The following USP22 variants were observed in gnomAD, a reference collection of about 807,000 sequenced individuals.
The protein encoded by USP22 is ubiquitin carboxyl-terminal hydrolase 22.
USP22 carries 22 observed loss-of-function variants against 68.1 expected under a neutral mutation model. The ratio of observed to expected loss-of-function variants is 0.32; its 90% CI spans 0.23 to 0.46. USP22 has a LOEUF of 0.46. Ranked by LOEUF, USP22 falls within the 20% of genes least tolerant of loss-of-function variation. The pLI is 1.00. For missense variants in USP22, 433 were observed against 695.8 expected (o/e 0.62, Z 4.25); for synonymous variants, 279 against 274.2 (o/e 1.02, Z -0.17).
At chr17:21,040,673 CCTT>C (rs1972416410) in intron 1 of USP22, among the ~76,000 whole-genome samples, 2 of 151,794 alleles carry the variant, frequency 1.3e-5, no homozygotes, top group Admixed American at 6.6e-5. Flanking sequence ...AAACTTGACT[CCTT>C]CTATTTGGTT....
intron 4 of USP22, among the ~76,000 whole-genome samples, chr17:21,018,524 G>C (rs11656662): frequency 0.17 from 25,861 of 151,918 alleles, 2,753 homozygotes; most frequent in South Asian, 0.25. Context: ...AGACCAGCCT[G>C]GGCAACATGG....
chr17:21,033,950 T>A (rs924140274), intron 1 of USP22, among the ~76,000 whole-genome samples: 2 of 152,026 alleles, frequency 1.3e-5, no homozygotes, highest in African/African-American at 2.4e-5. Flanking sequence ...GGTTTCACCA[T>A]GTTGGCCAGG....
At chr17:21,030,730 A>G (rs1972279835) in intron 1 of USP22, among the ~76,000 whole-genome samples, 1 of 152,248 alleles carries the variant, frequency 6.6e-6, no homozygotes, top group Non-Finnish European at 1.5e-5. Context: ...AATGAAAGAA[A>G]AATAGGCTAG....
intron 7 of USP22, among the ~76,000 whole-genome samples, chr17:21,012,076 G>C (rs1913988767): frequency 6.6e-6 from 1 of 152,058 alleles, no homozygotes; most frequent in African/African-American, 2.4e-5. Context: ...GTCCATTTCG[G>C]GTTCTGAAAT....
At chr17:21,036,138 T>C (rs1972353222) in intron 1 of USP22, among the ~76,000 whole-genome samples, 2 of 150,614 alleles carry the variant, frequency 1.3e-5, no homozygotes, top group South Asian at 2.1e-4. Context: ...ACAGACTGTA[T>C]GAACCCAATG....
chr17:21,015,504 C>G (rs1914103504), intron 6 of USP22: 1 of 461,042 alleles, frequency 2.2e-6, no homozygotes, highest in Non-Finnish European at 3.7e-6. Flanking sequence ...TCACTGTGAT[C>G]GGTCACTGAG....
intron 8 of USP22, among the ~76,000 whole-genome samples, chr17:21,010,116 A>G (rs1034426425): frequency 6.6e-6 from 1 of 152,136 alleles, no homozygotes; most frequent in African/African-American, 2.4e-5. Context: ...GTGAGCTATG[A>G]TGGCACCACT....
intron 7 of USP22, among the ~76,000 whole-genome samples, chr17:21,012,020 T>C (rs780047879): frequency 6.6e-6 from 1 of 152,194 alleles, no homozygotes; most frequent in African/African-American, 2.4e-5. Context: ...CAGGCAGCAC[T>C]GGCCTTTCCC....
At chr17:21,018,195 T>G in intron 4 of USP22, 84 bp from the exon 5 acceptor site, 4 of 1,316,970 alleles carry the variant, frequency 3.0e-6, no homozygotes, top group South Asian at 1.5e-5. Flanking sequence ...CCTCTACCTC[T>G]ACATACTCAT....
chr17:21,034,713 G>A (rs1354300543), intron 1 of USP22, among the ~76,000 whole-genome samples: 2 of 152,062 alleles, frequency 1.3e-5, no homozygotes, highest in Non-Finnish European at 2.9e-5. Context: ...GTGAACACAA[G>A]CCACTTTTAT....
chr17:21,033,366 T>C (rs533036948), intron 1 of USP22, among the ~76,000 whole-genome samples: 1 of 152,386 alleles, frequency 6.6e-6, no homozygotes, highest in East Asian at 1.9e-4. Flanking sequence ...GTTGATCTTA[T>C]GCAGTACAGA....
At chr17:21,038,567 C>T (rs956333780) in intron 1 of USP22, among the ~76,000 whole-genome samples, 1 of 151,668 alleles carries the variant, frequency 6.6e-6, no homozygotes, top group African/African-American at 2.4e-5. Context: ...ACTTGGGAGG[C>T]TGAGGCAGGA....
intron 6 of USP22, among the ~76,000 whole-genome samples, chr17:21,015,181 C>G (rs139919145): frequency 1.1e-3 from 174 of 152,332 alleles, no homozygotes; most frequent in African/African-American, 4.0e-3. Flanking sequence ...ACTACCAACA[C>G]CACACAACTC....
chr17:21,022,734 G>A (rs2143591983), intron 2 of USP22, among the ~76,000 whole-genome samples: 1 of 149,910 alleles, frequency 6.7e-6, no homozygotes, highest in Non-Finnish European at 1.5e-5. Context: ...GGGAGGCGGA[G>A]CTTGCTATGA....
At chr17:21,040,385 C>G (rs1241744236) in intron 1 of USP22, among the ~76,000 whole-genome samples, 1 of 152,176 alleles carries the variant, frequency 6.6e-6, no homozygotes, top group South Asian at 2.1e-4. Flanking sequence ...TAAGTCCCCC[C>G]AGTCAGAGGA....
chr17:21,020,694 G>A (rs755618422), intron 3 of USP22, among the ~76,000 whole-genome samples: 25 of 152,156 alleles, frequency 1.6e-4, no homozygotes, highest in African/African-American at 5.3e-4. Flanking sequence ...GCTAGAATTC[G>A]GCAGAGCTGA....
At chr17:21,042,593 G>A (rs965357794) in intron 1 of USP22, 72 bp downstream of exon 1, 3 of 1,251,674 alleles carry the variant, frequency 2.4e-6, no homozygotes, top group African/African-American at 1.6e-5. Context: ...CAGGAAAAGG[G>A]CCCCTCCGCC....
At chr17:21,037,362 A>C (rs1374700466) in intron 1 of USP22, among the ~76,000 whole-genome samples, 1 of 152,196 alleles carries the variant, frequency 6.6e-6, no homozygotes, top group East Asian at 1.9e-4. Context: ...TAAAGGAGGG[A>C]AAGAGTCACT....
At position 21,002,568 on chromosome 17, in the gene USP22, A is replaced by C. The variant is rs530793250; in HGVS notation, c.*463T>G. 7.2e-4 allele frequency: 119 copies of C among 165,512 alleles called. No individual in the cohort carries two copies. Among genetic ancestry groups the C allele is most frequent in the Non-Finnish European group, 1.4e-3 (103 of 75,982 alleles). The allele number at this position is 165,512 out of a possible 1,614,324, so 10.3% of individuals were successfully genotyped here. A position where few individuals can be genotyped will look rare whatever the true frequency, so the allele number is the denominator to read the frequency against. The stretch of plus-strand genomic sequence containing the variant: ...CATACTCTCCGTATTTTAACACTAA[A>C]ACACCAACAGAAAGGCATCTGCAAG... On this transcript the variant is annotated 3_prime_UTR_variant, in exon 13 of 13. Transcript: ENST00000261497.
Sources: gnomAD v4.1 joint callset for allele counts (sites outside exome capture counted in the v4.1 genomes callset) on GRCh38, gnomAD v4.1.1 for gene constraint, MANE v1.5 for transcripts, NCBI Gene and HGNC (gene_info 2026-07-23, HGNC 2026-07-21) for gene names.